The following MMP16 variants were observed in gnomAD, a reference collection of about 807,000 sequenced individuals.
MMP16 encodes matrix metalloproteinase-16.
MMP16 carries 12 observed loss-of-function variants against 67.8 expected under a neutral mutation model. That is an observed-to-expected ratio of 0.18 (90% CI 0.11 to 0.29). The LOEUF (loss-of-function observed/expected upper bound fraction) is 0.29, where lower values mean the gene tolerates loss of function less well. Ranked by LOEUF, MMP16 falls within the 10% of genes least tolerant of loss-of-function variation. MMP16 has a pLI of 1.00. For missense variants in MMP16, 475 were observed against 765.7 expected (o/e 0.62, Z 4.48); for synonymous variants, 249 against 255.9 (o/e 0.97, Z 0.26).
At chr8:88,208,500 G>A (rs1809463431) in intron 1 of MMP16, among the ~76,000 whole-genome samples, 1 of 152,094 alleles carries the variant, frequency 6.6e-6, no homozygotes, top group African/African-American at 2.4e-5. Context: ...ATCCAACACT[G>A]AAGGTGTCAA....
chr8:88,192,876 C>T (rs922739603), intron 2 of MMP16, among the ~76,000 whole-genome samples: 4 of 152,010 alleles, frequency 2.6e-5, no homozygotes, highest in African/African-American at 4.8e-5. Flanking sequence ...CCCAGTTAAA[C>T]AAACTTTTAT....
At chr8:88,173,765 T>G (rs935490004) in intron 3 of MMP16, among the ~76,000 whole-genome samples, 10 of 152,234 alleles carry the variant, frequency 6.6e-5, no homozygotes, top group Non-Finnish European at 1.3e-4. Context: ...TTTTCTTAAG[T>G]ATGAGAAATG....
rs139418339 is a variant in MMP16 at position 88,127,069 on chromosome 8, G to A, written c.710-8208C>T. On this transcript the variant is annotated intron_variant, in intron 4 of 9. Coordinates refer to ENST00000286614, the MANE Select transcript of MMP16 (RefSeq NM_005941.5). ...TCGCAGTAAGTAAAAAGGCTGTTAT[G>A]TGCCAGAACAGGAATCTAAATATCA... Among the ~76,000 whole-genome samples the A allele has an allele frequency of 2.7e-3, 405 of 151,956 alleles. 3 individuals carry two copies. The highest frequency in any genetic ancestry group is 8.6e-3 in the African/African-American group (358 of 41,500).
chr8:88,287,164 A>T (rs1269886113), intron 1 of MMP16, among the ~76,000 whole-genome samples: 1 of 152,202 alleles, frequency 6.6e-6, no homozygotes, highest in Non-Finnish European at 1.5e-5. Flanking sequence ...CCACTTAACA[A>T]GTTCTGCGTG....
chr8:88,158,309 T>C (rs1808550275), intron 4 of MMP16, among the ~76,000 whole-genome samples: 1 of 152,214 alleles, frequency 6.6e-6, no homozygotes, highest in Non-Finnish European at 1.5e-5. Context: ...GTGTTCCTAT[T>C]TCTCCACATC....
chr8:88,279,492 G>C (rs1343060639), intron 1 of MMP16, among the ~76,000 whole-genome samples: 1 of 152,044 alleles, frequency 6.6e-6, no homozygotes, highest in African/African-American at 2.4e-5. Flanking sequence ...GAGGCTTTTA[G>C]AACAACATCA....
intron 1 of MMP16, among the ~76,000 whole-genome samples, chr8:88,205,397 A>T (rs1809410219): frequency 6.6e-6 from 1 of 152,066 alleles, no homozygotes; most frequent in African/African-American, 2.4e-5. Context: ...ACCTACAATA[A>T]CCAAGAATGT....
chr8:88,286,784 G>C (rs1325087976), intron 1 of MMP16, among the ~76,000 whole-genome samples: 1 of 151,668 alleles, frequency 6.6e-6, no homozygotes, highest in Non-Finnish European at 1.5e-5. Context: ...ACCGTGTTAG[G>C]ATGGTCTTGA....
intron 6 of MMP16, among the ~76,000 whole-genome samples, chr8:88,113,653 C>T (rs1162600162): frequency 1.3e-5 from 2 of 151,830 alleles, no homozygotes; most frequent in African/African-American, 4.8e-5. Context: ...AATTAGGAGA[C>T]CAATAAGCAG....
intron 1 of MMP16, among the ~76,000 whole-genome samples, chr8:88,291,948 A>G (rs1389950580): frequency 1.3e-5 from 2 of 152,176 alleles, no homozygotes; most frequent in African/African-American, 4.8e-5. Flanking sequence ...TGTTAGATTT[A>G]CACATGAGAA....
intron 4 of MMP16, among the ~76,000 whole-genome samples, chr8:88,143,246 T>C (rs1808240725): frequency 6.6e-6 from 1 of 152,060 alleles, no homozygotes; most frequent in Admixed American, 6.6e-5. Context: ...ATGAAGTAAA[T>C]ACATTTTGGT....
intron 1 of MMP16, among the ~76,000 whole-genome samples, chr8:88,201,751 T>C (rs1017306866): frequency 6.6e-6 from 1 of 152,130 alleles, no homozygotes; most frequent in Admixed American, 6.5e-5. Flanking sequence ...ATAAACGCAC[T>C]GGCTAAATTT....
rs555591032 is a variant in MMP16, at chr8:88,037,494, C to T, written c.*3967G>A. On this transcript the variant is annotated 3_prime_UTR_variant, in exon 10 of 10. Coordinates refer to ENST00000286614, the MANE Select transcript of MMP16 (RefSeq NM_005941.5). ...TACTTAGTAATTTATCACATCGATT[C>T]AGAAAAGCCTTGCCCTCTGATTTAT... 6.6e-6 allele frequency: 1 copy of T among 151,962 alleles called. No individual in the cohort carries two copies. Among genetic ancestry groups the T allele is most frequent in the South Asian group, 2.1e-4 (1 of 4,828 alleles). 9.4% of individuals were successfully genotyped at this position (151,962 alleles called of 1,614,324 possible).
At chr8:88,219,768 T>C (rs1365515543) in intron 1 of MMP16, among the ~76,000 whole-genome samples, 1 of 152,176 alleles carries the variant, frequency 6.6e-6, no homozygotes, top group African/African-American at 2.4e-5. Context: ...AATGCAGAGC[T>C]TTGCATTCCA....
chr8:88,114,463 C>T (rs111845174), intron 6 of MMP16, among the ~76,000 whole-genome samples: 1 of 151,910 alleles, frequency 6.6e-6, no homozygotes, highest in African/African-American at 2.4e-5. Context: ...TATTAATGTT[C>T]AAGTTTGTCT....
intron 1 of MMP16, among the ~76,000 whole-genome samples, chr8:88,318,656 T>C (rs1811409524): frequency 6.6e-6 from 1 of 152,118 alleles, no homozygotes; most frequent in Non-Finnish European, 1.5e-5. Context: ...AATATAACCT[T>C]GGCAAGTTCT....
At chr8:88,081,258 G>A (rs1187835351) in intron 6 of MMP16, among the ~76,000 whole-genome samples, 1 of 152,166 alleles carries the variant, frequency 6.6e-6, no homozygotes, top group African/African-American at 2.4e-5. Context: ...GGGAGGAAAA[G>A]TGTACTTTGG....
chr8:88,252,618 T>G (rs536888481), intron 1 of MMP16, among the ~76,000 whole-genome samples: 45 of 146,012 alleles, frequency 3.1e-4, no homozygotes, highest in Non-Finnish European at 5.4e-4. Context: ...TATGAAAATT[T>G]CAGAAACAGG....
At chr8:88,096,786 ATAGGAGGGTGTATTTTAATTTTTTAAAGG>A (rs1248798442) in intron 6 of MMP16, among the ~76,000 whole-genome samples, 1 of 151,900 alleles carries the variant, frequency 6.6e-6, no homozygotes, top group African/African-American at 2.4e-5. Context: ...ATATATAGCT[ATAGGAGGGTGTATTTTAATTTTTTAAAGG>A]TTCCAGCCAG....
Sources: gnomAD v4.1 joint callset for allele counts (sites outside exome capture counted in the v4.1 genomes callset) on GRCh38, gnomAD v4.1.1 for gene constraint, MANE v1.5 for transcripts, NCBI Gene and HGNC (gene_info 2026-07-23, HGNC 2026-07-21) for gene names.